The following NCKIPSD variants were observed in gnomAD, a reference collection of about 807,000 sequenced individuals.
NCKIPSD encodes the protein NCK-interacting protein with SH3 domain.
Under a neutral mutation model 73.4 loss-of-function variants are expected in NCKIPSD, and 48 were observed. That is an observed-to-expected ratio of 0.65 (90% CI 0.52 to 0.83). NCKIPSD has a LOEUF of 0.83. Among genes scored for constraint, NCKIPSD ranks in the 40% least tolerant of loss-of-function variants. The pLI, the probability that NCKIPSD is intolerant of heterozygous loss-of-function variation, is 0.00. For missense variants in NCKIPSD, 884 were observed against 970.2 expected, an observed-to-expected ratio of 0.91 and a Z score of 1.18; for synonymous variants, 422 against 403.6, an observed-to-expected ratio of 1.05 and a Z score of -0.54.
chr3:48,674,793 A>T (rs201838184), intron 12 of NCKIPSD, 46 bp from the exon 13 acceptor site: 2 of 1,594,704 alleles, frequency 1.3e-6, no homozygotes, highest in Non-Finnish European at 1.7e-6. Flanking sequence ...GAGGTACTGC[A>T]ACCACCACTG....
chr3:48,678,676 A>C lies in NCKIPSD; in HGVS notation c.1853T>G (p.Leu618Arg). 1 of 1,614,208 alleles carries C rather than the reference A, an allele frequency of 6.2e-7. No individual in the cohort carries two copies. Residue 618 changes from leucine to arginine, a missense_variant, in exon 12 of 13, where the codon CTG (leucine) becomes CGG (arginine). By Grantham distance (102) the Leu-to-Arg change is moderately radical. Transcript: ENST00000294129. ...GGCCGGGCTGCCAAACACGTCCTGC[A>C]GGAACTTGAGGACAGAGTGTGGTGG... Reference protein sequence around the residue: ...PQPPHSVLKFLQDVFGSPATA... With the variant: ...PQPPHSVLKFRQDVFGSPATA...
Position 48,685,729 on chromosome 3 carries a change from G to C in NCKIPSD, c.79C>G (p.Leu27Val). The change falls in exon 1 of 13, where the codon CTA becomes GTA. Residue 27 changes from leucine to valine, a missense_variant. Transcript: ENST00000294129. ...AFAAGETFLV[L>V]ERSSAHWWLA... The stretch of plus-strand genomic sequence containing the variant: ...CACCAGTGCGCGCTGCTTCGCTCTA[G>C]CACCAGGAAGGTCTCGCCCGCGGCG... The C allele has an allele frequency of 6.5e-7, 1 of 1,534,096 alleles. No individual in the cohort carries two copies. Among genetic ancestry groups the C allele is most frequent in the East Asian group, 2.5e-5 (1 of 40,078 alleles).
At chr3:48,675,312 A>C (rs749459736) in intron 12 of NCKIPSD, among the ~76,000 whole-genome samples, 6 of 151,776 alleles carry the variant, frequency 4.0e-5, no homozygotes, top group Non-Finnish European at 8.8e-5. Flanking sequence ...CCGATTCAAA[A>C]GCACAGGCCT....
At position 48,680,239 on chromosome 3, in the gene NCKIPSD, G is replaced by A. The variant is rs2077329080; in HGVS notation, c.1093-10C>T. 1 of 1,601,672 alleles carries A rather than the reference G, an allele frequency of 6.2e-7. No homozygotes were observed. Among genetic ancestry groups the A allele is most frequent in the South Asian group, 1.1e-5 (1 of 89,874 alleles). On this transcript the variant is annotated splice_polypyrimidine_tract_variant and intron_variant, in intron 5 of 12. Coordinates refer to ENST00000294129, the MANE Select transcript of NCKIPSD (RefSeq NM_016453.4). ...GGGCCATGCTGAGGTCCTAGAGGGA[G>A]AGGGCAAGGCATGACTCAGCACACT...
rs201381013 is a variant in NCKIPSD at position 48,681,609 on chromosome 3, T to G, written c.770A>C (p.Gln257Pro). The G allele has an allele frequency of 6.2e-7, 1 of 1,613,812 alleles. No individual in the cohort carries two copies. Among genetic ancestry groups the G allele is most frequent in the East Asian group, 2.2e-5 (1 of 44,884 alleles). Reference protein sequence around the residue: ...PRRGTHTTVSQVQPPPSKASA... With the variant: ...PRRGTHTTVSPVQPPPSKASA... ...TGCCTTGGAGGGAGGGGGCTGGACT[T>G]GGGACACGGTGGTGTGGGTGCCTCG... Residue 257 changes from glutamine to proline, a missense_variant, in exon 5 of 13, where the codon CAA becomes CCA. By Grantham distance (76) the Gln-to-Pro change is moderately conservative. Transcript: ENST00000294129.
intron 8 of NCKIPSD, 50 bp downstream of exon 8, chr3:48,679,525 C>CA (rs1559492631): frequency 6.2e-7 from 1 of 1,608,482 alleles, no homozygotes; most frequent in South Asian, 1.1e-5. Flanking sequence ...ATGGCAGGAA[C>CA]ACCCTCCAGA....
chr3:48,675,122 T>C (rs1305294794), intron 12 of NCKIPSD, among the ~76,000 whole-genome samples: 2 of 151,972 alleles, frequency 1.3e-5, no homozygotes, highest in Non-Finnish European at 2.9e-5. Flanking sequence ...ACCACTCTCA[T>C]ACCTCTTACC....
At chr3:48,681,099 G>A (rs1242629301) in intron 5 of NCKIPSD, 188 bp downstream of exon 5, 2 of 882,660 alleles carry the variant, frequency 2.3e-6, no homozygotes, top group East Asian at 2.6e-5. Flanking sequence ...TGTCCAGGCT[G>A]CGCATCTGCC....
In NCKIPSD at chr3:48,679,656, G is replaced by A. The variant is rs780790278; in HGVS notation, c.1408C>T (p.Leu470=). The A allele has an allele frequency of 3.7e-6, 6 of 1,614,086 alleles. No individual in the cohort carries two copies. Among genetic ancestry groups the A allele is most frequent in the African/African-American group, 1.3e-5 (1 of 74,934 alleles). The change falls in exon 8 of 13, where the codon CTG becomes TTG. Residue 470 remains leucine, a synonymous_variant. Coordinates refer to ENST00000294129, the MANE Select transcript of NCKIPSD (RefSeq NM_016453.4). ...LLKCFGAMCS[L]DAAIISTLVS... ...AGCGTGGAGATGATGGCTGCATCCA[G>A]GCTGCACATGGCGCCAAAGCACTTG...
chr3:48,685,413 G>A (rs1012729032), intron 1 of NCKIPSD, among the ~76,000 whole-genome samples: 1 of 152,130 alleles, frequency 6.6e-6, no homozygotes, highest in Non-Finnish European at 1.5e-5. Context: ...GGTCGATCGG[G>A]AGTTGGTCTG....
intron 1 of NCKIPSD, among the ~76,000 whole-genome samples, 196 bp downstream of exon 1, chr3:48,685,441 T>C (rs1022326065): frequency 5.9e-5 from 9 of 151,962 alleles, no homozygotes; most frequent in African/African-American, 2.2e-4. Context: ...CCTGGTCTTT[T>C]GTGGGTGATG....
chr3:48,683,773 C>T (rs147290082), intron 1 of NCKIPSD, among the ~76,000 whole-genome samples: 24 of 151,854 alleles, frequency 1.6e-4, no homozygotes, highest in East Asian at 3.9e-4. Context: ...AAACCAGCTA[C>T]CCCCAGCCCT....
At chr3:48,683,056 G>C (rs1443760069) in intron 1 of NCKIPSD, 44 bp from the exon 2 acceptor site, 16 of 1,545,028 alleles carry the variant, frequency 1.0e-5, no homozygotes. Flanking sequence ...AGGCCAAACG[G>C]AGGTGCTCAG....
At chr3:48,680,338 A>C in intron 5 of NCKIPSD, 109 bp from the exon 6 acceptor site, 8 of 1,258,884 alleles carry the variant, frequency 6.4e-6, no homozygotes, top group Non-Finnish European at 8.6e-6. Flanking sequence ...CCATGAACTC[A>C]AGTCCCTCCT....
At position 48,678,694 on chromosome 3, in the gene NCKIPSD, T is replaced by C. The variant is rs754798897; in HGVS notation, c.1835A>G (p.His612Arg). 6.2e-7 allele frequency: 1 copy of C among 1,613,428 alleles called. No homozygotes were observed. The highest frequency in any genetic ancestry group is 8.5e-7 in the Non-Finnish European group (1 of 1,179,862). The change falls in exon 12 of 13, where the codon CAC becomes CGC. Residue 612 changes from histidine (H) to arginine (R), a missense_variant. Physicochemically the swap from His to Arg is conservative, Grantham distance 29. Transcript: ENST00000294129. ...GTCCTGCAGGAACTTGAGGACAGAGTGTGGTGGCTGTGGCTCATGTTTGAA... is the reference window on the plus strand; with the variant it reads ...GTCCTGCAGGAACTTGAGGACAGAGCGTGGTGGCTGTGGCTCATGTTTGAA... ...RIFKHEPQPPHSVLKFLQDVF... is the reference protein window; with the variant it reads ...RIFKHEPQPPRSVLKFLQDVF...
chr3:48,683,152 C>A (rs2077383087), intron 1 of NCKIPSD, 140 bp from the exon 2 acceptor site: 2 of 1,453,642 alleles, frequency 1.4e-6, no homozygotes, highest in African/African-American at 2.8e-5. Context: ...AAAAGTTGAA[C>A]CAGAATATGG....
rs2077215908 is a variant in NCKIPSD, at chr3:48,674,176, T to C, written c.*368A>G. The C allele has an allele frequency of 3.4e-6, 4 of 1,174,058 alleles. No individual in the cohort carries two copies. The highest frequency in any genetic ancestry group is 2.8e-5 in the South Asian group (1 of 36,150). The allele number at this position is 1,174,058 out of a possible 1,614,324, so 72.7% of individuals were successfully genotyped here. On this transcript the variant is annotated 3_prime_UTR_variant, in exon 13 of 13. Coordinates refer to ENST00000294129, the MANE Select transcript of NCKIPSD (RefSeq NM_016453.4). ...CCTCCCCTCACCCCAGGGGCATGGC[T>C]TGCTGAGGCCCAGGATACAGACCAG... is the stretch of plus-strand genomic sequence containing the variant.
rs2106753722 is a variant in NCKIPSD, at chr3:48,682,235, G to A, written c.487-79C>T. Reference sequence around the variant, plus strand: ...GAGGCTCGGGCCCTGAGCCCTGGCTGTGGGCAGGACTATGGCTCTGGGCCG... The same window carrying A: ...GAGGCTCGGGCCCTGAGCCCTGGCTATGGGCAGGACTATGGCTCTGGGCCG... On this transcript the variant is annotated intron_variant, in intron 3 of 12. Transcript: ENST00000294129. 7 of 1,560,682 alleles carry A rather than the reference G, an allele frequency of 4.5e-6. No homozygotes were observed. In the South Asian group the frequency reaches 5.9e-5, roughly 13 times the overall value.
intron 12 of NCKIPSD, among the ~76,000 whole-genome samples, chr3:48,677,908 C>T (rs1488809350): frequency 6.6e-6 from 1 of 152,218 alleles, no homozygotes; most frequent in Non-Finnish European, 1.5e-5. Flanking sequence ...CTAGTCTCAA[C>T]TCATTCCCCA....
Sources: gnomAD v4.1 joint callset for allele counts (sites outside exome capture counted in the v4.1 genomes callset) on GRCh38, gnomAD v4.1.1 for gene constraint, MANE v1.5 for transcripts, NCBI Gene and HGNC (gene_info 2026-07-23, HGNC 2026-07-21) for gene names.